Variants in CAMK4 observed in about 807,000 individuals in gnomAD.
CAMK4 encodes calcium/calmodulin-dependent protein kinase type IV.
CAMK4 carries 22 observed loss-of-function variants against 44.9 expected under a neutral mutation model. The observed-to-expected ratio is 0.49, with a 90% CI of 0.35 to 0.70. CAMK4 has a LOEUF of 0.70. Among genes scored for constraint, CAMK4 ranks in the 30% least tolerant of loss-of-function variants. The pLI, the probability that CAMK4 is intolerant of heterozygous loss-of-function variation, is 0.01. For missense variants in CAMK4, 498 were observed against 586.8 expected (o/e 0.85, Z 1.56); for synonymous variants, 218 against 215.4 (o/e 1.01, Z -0.11).
intron 5 of CAMK4, among the ~76,000 whole-genome samples, chr5:111,409,855 C>T (rs899494540): frequency 2.0e-5 from 3 of 152,176 alleles, no homozygotes; most frequent in African/African-American, 7.2e-5. Flanking sequence ...TCCTCATCTC[C>T]ATTTGAGTCC....
At chr5:111,228,365 T>C (rs1748297009) in intron 1 of CAMK4, among the ~76,000 whole-genome samples, 1 of 152,240 alleles carries the variant, frequency 6.6e-6, no homozygotes, top group African/African-American at 2.4e-5. Flanking sequence ...AATACATTTA[T>C]GTGTCACATT....
chr5:111,428,765 G>A (rs988123103), intron 5 of CAMK4, among the ~76,000 whole-genome samples: 1 of 152,038 alleles, frequency 6.6e-6, no homozygotes, highest in African/African-American at 2.4e-5. Flanking sequence ...CTAAAGAGAA[G>A]GTAGAGAAAG....
chr5:111,410,516 C>A (rs59277268), intron 5 of CAMK4, among the ~76,000 whole-genome samples: 9,351 of 152,112 alleles, frequency 0.061, 392 homozygotes, highest in African/African-American at 0.11. Flanking sequence ...TACTGTATGT[C>A]TGTGTTATTC....
At chr5:111,391,519 C>T (rs1751796952) in intron 4 of CAMK4, among the ~76,000 whole-genome samples, 2 of 150,364 alleles carry the variant, frequency 1.3e-5, no homozygotes, top group African/African-American at 4.9e-5. Context: ...AGGAAGAACA[C>T]CCATAAAAAA....
At position 111,445,416 on chromosome 5, in the gene CAMK4, TG is replaced by T. The variant is rs1753991127; in HGVS notation, c.460-1268del. On this transcript the variant is annotated intron_variant, in intron 5 of 10. Transcript: ENST00000282356. ...ACATATGTAGTCTTTTTTTTTGGTT[TG>T]GTTTTTTGTTTTTGTTTTTGTTTTC... Among the ~76,000 whole-genome samples the T allele has an allele frequency of 3.3e-5, 5 of 151,966 alleles. No individual in the cohort carries two copies. In the South Asian group the frequency reaches 1.0e-3, roughly 32 times the overall value.
At chr5:111,360,333 GC>G (rs1750540940) in intron 2 of CAMK4, among the ~76,000 whole-genome samples, 1 of 152,022 alleles carries the variant, frequency 6.6e-6, no homozygotes. Context: ...GCATGAAGAG[GC>G]CACATACCAG....
At chr5:111,334,980 C>T (rs1362522445) in intron 1 of CAMK4, among the ~76,000 whole-genome samples, 1 of 151,344 alleles carries the variant, frequency 6.6e-6, no homozygotes, top group African/African-American at 2.4e-5. Context: ...TAATAGCTTA[C>T]GTGACCTAAT....
chr5:111,261,875 A>AT (rs774958310), intron 1 of CAMK4, among the ~76,000 whole-genome samples: 30 of 150,920 alleles, frequency 2.0e-4, no homozygotes, highest in Admixed American at 4.6e-4. Context: ...TCTTAAAAGT[A>AT]TTTTTTTTTC....
intron 7 of CAMK4, among the ~76,000 whole-genome samples, chr5:111,462,560 G>C (rs1754680883): frequency 6.6e-6 from 1 of 152,142 alleles, no homozygotes. Flanking sequence ...TTTTCCAAAA[G>C]AGTTACTAAT....
At chr5:111,426,763 C>T (rs1753240909) in intron 5 of CAMK4, among the ~76,000 whole-genome samples, 1 of 152,166 alleles carries the variant, frequency 6.6e-6, no homozygotes, top group Non-Finnish European at 1.5e-5. Context: ...AAGGAAACCC[C>T]AACCAAATTC....
intron 5 of CAMK4, among the ~76,000 whole-genome samples, chr5:111,423,390 T>C (rs189245794): frequency 6.6e-5 from 10 of 152,354 alleles, no homozygotes; most frequent in Admixed American, 6.5e-4. Flanking sequence ...ACAAATACAC[T>C]TTGCATTCCA....
chr5:111,494,864 A>AATC lies in CAMK4; in HGVS notation c.*10401_*10403dup, dbSNP rs1756015786. 6.6e-6 allele frequency: 1 copy of AATC among 152,126 alleles called. No individual in the cohort carries two copies. The highest frequency in any genetic ancestry group is 1.5e-5 in the Non-Finnish European group (1 of 68,010). 9.4% of individuals were successfully genotyped at this position (152,126 alleles called of 1,614,324 possible). On this transcript the variant is annotated 3_prime_UTR_variant, in exon 11 of 11. Coordinates refer to ENST00000282356, the MANE Select transcript of CAMK4 (RefSeq NM_001744.6). ...AGTTGGCATGTAGAATACGATAATA[A>AATC]ATCATTTAAGAAACCACCAAAACTT...
chr5:111,288,209 A>T (rs1215634546), intron 1 of CAMK4, among the ~76,000 whole-genome samples: 2 of 152,126 alleles, frequency 1.3e-5, no homozygotes, highest in Non-Finnish European at 2.9e-5. Context: ...TTATTTTTCT[A>T]TTCTGCTCAA....
At chr5:111,448,875 A>G (rs1473374664) in intron 6 of CAMK4, among the ~76,000 whole-genome samples, 1 of 152,228 alleles carries the variant, frequency 6.6e-6, no homozygotes, top group African/African-American at 2.4e-5. Flanking sequence ...GGAATTGTAC[A>G]GAAGAACAAA....
At chr5:111,380,296 G>GT (rs1222616609) in intron 4 of CAMK4, among the ~76,000 whole-genome samples, 3 of 151,180 alleles carry the variant, frequency 2.0e-5, no homozygotes, top group Non-Finnish European at 3.0e-5. Flanking sequence ...ATTGTCATGG[G>GT]TTTTTTTTCT....
intron 5 of CAMK4, among the ~76,000 whole-genome samples, chr5:111,428,566 T>G (rs147970185): frequency 2.0e-5 from 3 of 152,338 alleles, no homozygotes; most frequent in African/African-American, 7.2e-5. Flanking sequence ...GCAGAAATTC[T>G]GGAGCAGAAA....
chr5:111,402,290 C>A (rs1007369449), intron 5 of CAMK4, among the ~76,000 whole-genome samples: 57 of 152,144 alleles, frequency 3.7e-4, no homozygotes, highest in African/African-American at 1.4e-3. Flanking sequence ...GGTTTGGAGA[C>A]AATAGCTTAA....
chr5:111,360,961 G>A (rs1176288327), intron 2 of CAMK4, among the ~76,000 whole-genome samples: 2 of 151,708 alleles, frequency 1.3e-5, no homozygotes, highest in South Asian at 4.2e-4. Flanking sequence ...TTATTTTTTG[G>A]TTCAACATTA....
chr5:111,456,161 C>T (rs1301052784), intron 7 of CAMK4, among the ~76,000 whole-genome samples: 3 of 152,028 alleles, frequency 2.0e-5, no homozygotes, highest in African/African-American at 7.3e-5. Flanking sequence ...GAAATTACTA[C>T]ATCTCTGCCA....
Sources: allele counts gnomAD v4.1 joint callset (sites outside exome capture counted in the v4.1 genomes callset), GRCh38; gene constraint gnomAD v4.1.1; transcripts MANE v1.5; gene names NCBI Gene and HGNC (gene_info 2026-07-23, HGNC 2026-07-21).